IL34: variants seen among roughly 807,000 people sequenced by gnomAD.
The protein encoded by IL34 is interleukin 34.
IL34 carries 17 observed loss-of-function variants against 25.3 expected under a neutral mutation model. The observed-to-expected ratio is 0.67, with a 90% CI of 0.46 to 1.01. The LOEUF (loss-of-function observed/expected upper bound fraction) is 1.01. IL34 is among the 50% of genes least tolerant of loss of function. The probability of loss-of-function intolerance (pLI) is 0.00; values close to 1 mark genes in which losing one functional copy is unlikely to be tolerated. For synonymous variants in IL34, 174 were observed against 140.9 expected (o/e 1.23, Z -1.66); for missense variants, 368 against 312.9 (o/e 1.18, Z -1.33).
At chr16:70,628,728 C>T (rs569559419) in intron 1 of IL34, among the ~76,000 whole-genome samples, 2 of 151,212 alleles carry the variant, frequency 1.3e-5, no homozygotes, top group Non-Finnish European at 2.9e-5. Context: ...CTTAATTGAT[C>T]CACCCGCCTT....
intron 1 of IL34, among the ~76,000 whole-genome samples, chr16:70,640,788 C>T (rs1423401575): frequency 6.6e-6 from 1 of 152,114 alleles, no homozygotes; most frequent in Non-Finnish European, 1.5e-5. Flanking sequence ...ACGCTTCATT[C>T]AGGGTTTAAA....
At chr16:70,618,262 G>A (rs1441496456) in intron 1 of IL34, among the ~76,000 whole-genome samples, 1 of 151,974 alleles carries the variant, frequency 6.6e-6, no homozygotes, top group African/African-American at 2.4e-5. Flanking sequence ...TGAGGAACAG[G>A]AAAGAAGGAA....
chr16:70,624,815 C>T (rs1018109866), intron 1 of IL34, among the ~76,000 whole-genome samples: 1 of 151,746 alleles, frequency 6.6e-6, no homozygotes, highest in East Asian at 1.9e-4. Context: ...GAATTGGGAC[C>T]TAGCTTGGCC....
chr16:70,653,901 C>G (rs1039950743), intron 1 of IL34, among the ~76,000 whole-genome samples: 2 of 152,080 alleles, frequency 1.3e-5, no homozygotes, highest in African/African-American at 4.8e-5. Context: ...CAGTGACCCC[C>G]AGTGGCAAAG....
chr16:70,659,805 G>A (rs1175051903), intron 5 of IL34, 52 bp downstream of exon 5: 5 of 1,555,808 alleles, frequency 3.2e-6, no homozygotes, highest in Non-Finnish European at 4.4e-6. Flanking sequence ...AGGCATCTGG[G>A]CCCACCCAGG....
chr16:70,643,213 C>A (rs1036610582), upstream of IL34, among the ~76,000 whole-genome samples: 1 of 152,102 alleles, frequency 6.6e-6, no homozygotes, highest in Non-Finnish European at 1.5e-5. Flanking sequence ...CAGGTGCGCA[C>A]CACCGTGCCT....
intron 1 of IL34, among the ~76,000 whole-genome samples, chr16:70,624,203 C>T (rs569439449): frequency 1.3e-5 from 2 of 151,728 alleles, no homozygotes; most frequent in Non-Finnish European, 2.9e-5. Flanking sequence ...CCCGGGCTGC[C>T]GGCATTCCTT....
At position 70,600,576 on chromosome 16, in the gene IL34, G is replaced by A. The variant is rs557986448; in HGVS notation, c.-401+20527G>A. Reference sequence around the variant, plus strand: ...CTAATTCTAACTTCCCCCTATCTTAGCATCCCCTCTGAAATTAGGATCAAT... The same window carrying A: ...CTAATTCTAACTTCCCCCTATCTTAACATCCCCTCTGAAATTAGGATCAAT... On this transcript the variant is annotated intron_variant, in intron 1 of 6. Coordinates refer to the IL34 transcript ENST00000429149. 3.3e-5 allele frequency among the ~76,000 whole-genome samples: 5 copies of A among 152,234 alleles called. 1 individual carries two copies. Among genetic ancestry groups the A allele is most frequent in the African/African-American group, 1.2e-4 (5 of 41,542 alleles).
chr16:70,601,096 G>C (rs2050909705), intron 1 of IL34, among the ~76,000 whole-genome samples: 1 of 152,054 alleles, frequency 6.6e-6, no homozygotes, highest in Non-Finnish European at 1.5e-5. Context: ...AGAATACTGG[G>C]AGAGATAAGG....
At chr16:70,590,095 A>C (rs1597734843) in intron 1 of IL34, among the ~76,000 whole-genome samples, 4 of 152,088 alleles carry the variant, frequency 2.6e-5, no homozygotes, top group African/African-American at 9.7e-5. Flanking sequence ...CACCCAGGGG[A>C]GGGGCGTCTG....
intron 1 of IL34, among the ~76,000 whole-genome samples, chr16:70,589,204 A>C (rs555390728): frequency 1.6e-4 from 25 of 152,302 alleles, no homozygotes; most frequent in East Asian, 5.8e-4. Flanking sequence ...CACACACACA[A>C]AAAATAATAA....
chr16:70,588,010 G>T (rs1246681476), intron 1 of IL34, among the ~76,000 whole-genome samples: 1 of 152,070 alleles, frequency 6.6e-6, no homozygotes, highest in Non-Finnish European at 1.5e-5. Context: ...CTGCACTCTA[G>T]CCTGGGTGAC....
chr16:70,637,466 A>G (rs976560418), intron 1 of IL34, among the ~76,000 whole-genome samples: 1 of 152,078 alleles, frequency 6.6e-6, no homozygotes, highest in Non-Finnish European at 1.5e-5. Flanking sequence ...CTCCTGCCTC[A>G]GCCTCCCCAG....
chr16:70,653,780 G>A (rs1037211595), intron 1 of IL34, among the ~76,000 whole-genome samples: 1 of 152,198 alleles, frequency 6.6e-6, no homozygotes, highest in East Asian at 1.9e-4. Flanking sequence ...GCCTACTTCT[G>A]TTTTATTCTT....
rs868173399 is a variant in IL34, at chr16:70,646,902, T to A, written c.-46T>A. The A allele has an allele frequency of 1.2e-5, 18 of 1,476,444 alleles. No homozygotes were observed. The Middle Eastern group carries it at 5.3e-4, about 43-fold the overall frequency. The allele number at this position is 1,476,444 out of a possible 1,614,324, so 91.5% of individuals were successfully genotyped here. On this transcript the variant is annotated 5_prime_UTR_variant, in exon 1 of 6. Coordinates refer to ENST00000288098, the MANE Select transcript of IL34 (RefSeq NM_001393494.1). ...CGTGCTTAGGCCTCTGTGGACACAC[T>A]GCTGGGGACGGCGCCTGAGCTCTCA...
chr16:70,630,975 A>T (rs533447089), intron 1 of IL34, among the ~76,000 whole-genome samples: 2 of 152,302 alleles, frequency 1.3e-5, no homozygotes, highest in South Asian at 4.1e-4. Context: ...ATATGTCTTC[A>T]ATATACTGAT....
Position 70,626,911 on chromosome 16 carries a change from A to G in IL34, c.-400-19637A>G, listed in dbSNP as rs575504399. 3.3e-5 allele frequency among the ~76,000 whole-genome samples: 5 copies of G among 151,876 alleles called. No individual in the cohort carries two copies. The South Asian group carries it at 1.0e-3, about 32-fold the overall frequency. On this transcript the variant is annotated intron_variant, in intron 1 of 6. Transcript: ENST00000429149. ...ATTTGAGTCTATTTCAGAACTTGCT[A>G]CTCTTTTCCATTAGTTTCTCTTTCT...
At chr16:70,617,509 G>A (rs1226940180) in intron 1 of IL34, among the ~76,000 whole-genome samples, 1 of 152,168 alleles carries the variant, frequency 6.6e-6, no homozygotes, top group Non-Finnish European at 1.5e-5. Flanking sequence ...GTCTAAGTTG[G>A]TCTGGTGTCT....
chr16:70,647,069 G>GGT, intron 1 of IL34, 94 bp downstream of exon 1: 1 of 1,159,462 alleles, frequency 8.6e-7, no homozygotes, highest in African/African-American at 1.6e-5. Context: ...CATTCTTGCT[G>GGT]GTGAGAAGTT....
Sources: allele counts gnomAD v4.1 joint callset (sites outside exome capture counted in the v4.1 genomes callset), GRCh38; gene constraint gnomAD v4.1.1; transcripts MANE v1.5; gene names NCBI Gene and HGNC (gene_info 2026-07-23, HGNC 2026-07-21).